Variants in CCDC42 observed in about 807,000 individuals in gnomAD.
The protein encoded by CCDC42 is coiled-coil domain containing 42.
A neutral mutation model predicts 40.8 loss-of-function variants in CCDC42; 38 were observed. The ratio of observed to expected loss-of-function variants is 0.93; its 90% CI spans 0.72 to 1.22. The LOEUF (loss-of-function observed/expected upper bound fraction) is 1.22. Ranked by LOEUF, CCDC42 falls within the 50% of genes most tolerant of loss-of-function variation. The pLI is 0.00. For synonymous variants in CCDC42, 135 were observed against 157.5 expected (o/e 0.86, Z 1.07); for missense variants, 379 against 416.5 (o/e 0.91, Z 0.78).
chr17:8,731,878 T>C (rs1384582359), intron 6 of CCDC42, among the ~76,000 whole-genome samples: 2 of 152,216 alleles, frequency 1.3e-5, no homozygotes, highest in Non-Finnish European at 2.9e-5. Flanking sequence ...ATAACAAACC[T>C]GCTTGGCTGG....
intron 4 of CCDC42, 95 bp downstream of exon 4, chr17:8,741,379 T>G: frequency 7.9e-7 from 1 of 1,267,046 alleles, no homozygotes; most frequent in Non-Finnish European, 1.1e-6. Flanking sequence ...CCCAGCCAGC[T>G]GAGCCTGAAT....
At chr17:8,743,133 G>A (rs2086655091) in intron 3 of CCDC42, among the ~76,000 whole-genome samples, 1 of 152,150 alleles carries the variant, frequency 6.6e-6, no homozygotes, top group South Asian at 2.1e-4. Flanking sequence ...TTTTTAAGAC[G>A]ATTAAAGTGC....
intron 3 of CCDC42, among the ~76,000 whole-genome samples, chr17:8,743,382 T>G (rs565785252): frequency 1.3e-5 from 2 of 152,144 alleles, no homozygotes; most frequent in Non-Finnish European, 2.9e-5. Flanking sequence ...TCCTAGGTAC[T>G]GGAAAAGAAA....
At chr17:8,744,433 G>C in intron 1 of CCDC42, 94 bp downstream of exon 1, 1 of 1,051,632 alleles carries the variant, frequency 9.5e-7, no homozygotes, top group Admixed American at 1.7e-5. Context: ...GGTTACAGGA[G>C]AGGAGGGGAC....
In CCDC42 at chr17:8,735,031, A is replaced by C; in HGVS notation, c.873+65T>G. 6.3e-7 allele frequency: 1 copy of C among 1,576,068 alleles called. No individual in the cohort carries two copies. The highest frequency in any genetic ancestry group is 1.7e-5 in the Admixed American group (1 of 59,178). On this transcript the variant is annotated intron_variant, in intron 6 of 6. Transcript: ENST00000293845. The surrounding 1 kb of genome is among the most constrained non-coding windows in gnomAD (Gnocchi z 4.7). ...CTCTGTCAGGTTCATTCTTCCACCC[A>C]ACCAACTGGCAACCTCCTCGGCCCA...
chr17:8,739,390 C>T (rs2086628814), intron 4 of CCDC42, among the ~76,000 whole-genome samples: 1 of 152,158 alleles, frequency 6.6e-6, no homozygotes, highest in Non-Finnish European at 1.5e-5. Flanking sequence ...CAGGGCTGTC[C>T]TGGGGGTGGC....
At chr17:8,739,614 C>T (rs1207186592) in intron 4 of CCDC42, among the ~76,000 whole-genome samples, 1 of 152,208 alleles carries the variant, frequency 6.6e-6, no homozygotes, top group Non-Finnish European at 1.5e-5. Flanking sequence ...GCAACCTCGG[C>T]TCACTGCAAC....
intron 6 of CCDC42, among the ~76,000 whole-genome samples, chr17:8,731,990 C>T (rs932691378): frequency 6.6e-6 from 1 of 150,556 alleles, no homozygotes; most frequent in South Asian, 2.1e-4. Flanking sequence ...CAGTGAAACC[C>T]CATCTCTACT....
chr17:8,734,638 T>C (rs562975666), intron 6 of CCDC42, among the ~76,000 whole-genome samples: 2 of 152,260 alleles, frequency 1.3e-5, no homozygotes, highest in South Asian at 2.1e-4. Context: ...ATTACAGGCA[T>C]GAGCCACCGT....
chr17:8,735,667 AC>A lies in CCDC42; in HGVS notation c.493-57del. On this transcript the variant is annotated intron_variant, in intron 4 of 6. Coordinates refer to ENST00000293845, the MANE Select transcript of CCDC42 (RefSeq NM_144681.3). The surrounding 1 kb of genome is among the most constrained non-coding windows in gnomAD (Gnocchi z 4.7). Reference sequence around the variant, plus strand: ...CCAGCCCCTGGGGCCTGAGGGAGCCACCCAGTCCTGCCAACCTCCAGCCTGG... The same window carrying A: ...CCAGCCCCTGGGGCCTGAGGGAGCCACCAGTCCTGCCAACCTCCAGCCTGG... 1 of 1,475,056 alleles carries A rather than the reference AC, an allele frequency of 6.8e-7. No homozygotes were observed. Among genetic ancestry groups the A allele is most frequent in the South Asian group, 1.2e-5 (1 of 80,876 alleles). The allele number at this position is 1,475,056 out of a possible 1,614,324, so 91.4% of individuals were successfully genotyped here. A position where few individuals can be genotyped will look rare whatever the true frequency, so the allele number is the denominator to read the frequency against.
chr17:8,738,668 G>C (rs2086625175), intron 4 of CCDC42, among the ~76,000 whole-genome samples: 1 of 152,108 alleles, frequency 6.6e-6, no homozygotes, highest in East Asian at 1.9e-4. Context: ...GTTTCACCGT[G>C]TTGGCCAGGG....
Position 8,743,649 on chromosome 17 carries a change from G to C in CCDC42, c.271C>G (p.Gln91Glu). ...ACCTGGATGAACTGCTCAGACTTCT[G>C]GATGTGAGCCTTCAGTTGGGCTTCC... Reference protein sequence around the residue: ...VKEAQLKAHIQKSEQFIQEND... With the variant: ...VKEAQLKAHIEKSEQFIQEND... Residue 91 changes from glutamine (Q) to glutamate (E), a missense_variant, in exon 3 of 7, where the codon CAG becomes GAG. Physicochemically the swap from Gln to Glu is conservative, Grantham distance 29 (BLOSUM62 2). Transcript: ENST00000293845. 1.2e-6 allele frequency: 2 copies of C among 1,610,786 alleles called. No homozygotes were observed. The highest frequency in any genetic ancestry group is 2.2e-5 in the East Asian group (1 of 44,850).
At chr17:8,739,383 G>C (rs1298770457) in intron 4 of CCDC42, among the ~76,000 whole-genome samples, 1 of 152,200 alleles carries the variant, frequency 6.6e-6, no homozygotes, top group African/African-American at 2.4e-5. Flanking sequence ...CCAGCGGCAG[G>C]GCTGTCCTGG....
At chr17:8,732,331 G>C (rs973432268) in intron 6 of CCDC42, among the ~76,000 whole-genome samples, 2 of 134,066 alleles carry the variant, frequency 1.5e-5, no homozygotes, top group Admixed American at 1.5e-4. Flanking sequence ...AAACCTGCTC[G>C]TGTACTCCTG....
intron 6 of CCDC42, among the ~76,000 whole-genome samples, chr17:8,731,430 T>C (rs563810424): frequency 2.2e-4 from 33 of 152,314 alleles, no homozygotes; most frequent in African/African-American, 7.7e-4. Flanking sequence ...ATATAAATCG[T>C]TCTATCATAA....
chr17:8,741,708 C>T (rs774015613), intron 3 of CCDC42, 37 bp from the exon 4 acceptor site: 22 of 1,595,400 alleles, frequency 1.4e-5, no homozygotes, highest in Admixed American at 8.7e-5. Flanking sequence ...CAGGAAGCCT[C>T]GCCCAGCCCT....
chr17:8,736,006 C>G (rs912878922), intron 4 of CCDC42, among the ~76,000 whole-genome samples: 1 of 152,200 alleles, frequency 6.6e-6, no homozygotes, highest in Admixed American at 6.5e-5. Flanking sequence ...TAGGCACAGC[C>G]AGGGTTGATA....
Position 8,735,754 on chromosome 17 carries a change from T to C in CCDC42, c.493-143A>G. On this transcript the variant is annotated intron_variant, in intron 4 of 6. Coordinates refer to ENST00000293845, the MANE Select transcript of CCDC42 (RefSeq NM_144681.3). This position sits in a 1 kb window ranked among gnomAD's most constrained non-coding sequence, Gnocchi z 4.7. Reference sequence around the variant, plus strand: ...CTTGGCCAGGGTCACGGCCAGAGGCTGTGAGGGACACTGGGGTTCCGCTGC... The same window carrying C: ...CTTGGCCAGGGTCACGGCCAGAGGCCGTGAGGGACACTGGGGTTCCGCTGC... 1.5e-6 allele frequency: 1 copy of C among 654,278 alleles called. No individual in the cohort carries two copies. Among genetic ancestry groups the C allele is most frequent in the Non-Finnish European group, 2.6e-6 (1 of 383,788 alleles). The allele number at this position is 654,278 out of a possible 1,614,324, so 40.5% of individuals were successfully genotyped here.
intron 6 of CCDC42, among the ~76,000 whole-genome samples, chr17:8,732,949 A>G (rs1329749714): frequency 6.6e-6 from 1 of 152,180 alleles, no homozygotes; most frequent in Non-Finnish European, 1.5e-5. Context: ...CTTGTTCTCT[A>G]TAAGCAGCTG....
Sources: allele counts gnomAD v4.1 joint callset (sites outside exome capture counted in the v4.1 genomes callset), GRCh38; gene constraint gnomAD v4.1.1; non-coding constraint Gnocchi (gnomAD v3.1); transcripts MANE v1.5; gene names NCBI Gene and HGNC (gene_info 2026-07-23, HGNC 2026-07-21).